Variants in ZRANB3 observed in about 807,000 individuals in gnomAD.
The protein encoded by ZRANB3 is DNA annealing helicase and endonuclease ZRANB3.
A neutral mutation model predicts 133.8 loss-of-function variants in ZRANB3; 125 were observed. The ratio of observed to expected loss-of-function variants is 0.93; its 90% CI spans 0.81 to 1.08. ZRANB3 has a LOEUF of 1.08. Ranked by LOEUF, ZRANB3 falls within the 50% of genes least tolerant of loss-of-function variation. The pLI is 0.00. For missense variants in ZRANB3, 1,229 were observed against 1,275.5 expected, an observed-to-expected ratio of 0.96 and a Z score of 0.56; for synonymous variants, 387 against 432.7, an observed-to-expected ratio of 0.89 and a Z score of 1.31.
chr2:135,310,223 C>T (rs1050169592), intron 8 of ZRANB3, among the ~76,000 whole-genome samples: 1 of 152,178 alleles, frequency 6.6e-6, no homozygotes, highest in Non-Finnish European at 1.5e-5. Flanking sequence ...AGGCATGAGC[C>T]ACCGTGCCTG....
chr2:135,213,527 G>A (rs977752657), intron 17 of ZRANB3, among the ~76,000 whole-genome samples: 4 of 152,150 alleles, frequency 2.6e-5, no homozygotes, highest in African/African-American at 9.7e-5. Flanking sequence ...ATTTCATGAT[G>A]CTGCTAAGTT....
intron 5 of ZRANB3, among the ~76,000 whole-genome samples, chr2:135,346,077 C>T (rs975177381): frequency 2.0e-5 from 3 of 152,064 alleles, no homozygotes; most frequent in African/African-American, 7.2e-5. Flanking sequence ...GACATATAGG[C>T]TATTTCTAGC....
At chr2:135,530,763 G>A (rs537087416) in intron 1 of ZRANB3, 1 of 152,272 alleles carries the variant, frequency 6.6e-6, no homozygotes, top group South Asian at 2.1e-4. Flanking sequence ...CTCGTTCTCC[G>A]CCCTAATTTC....
rs554122871 is a variant in ZRANB3, at chr2:135,339,335, CG to C, written c.677+6214del. 1.6e-3 allele frequency among the ~76,000 whole-genome samples: 236 copies of C among 152,026 alleles called. 4 individuals carry two copies. The South Asian group carries it at 0.048, about 31-fold the overall frequency. ...CTGAGGCAGGAGAATCGCTTGAACC[CG>C]GGAGGCAGAGGTTGCAGTGAGCGTG... On this transcript the variant is annotated intron_variant, in intron 6 of 20. Coordinates refer to ENST00000264159, the MANE Select transcript of ZRANB3 (RefSeq NM_032143.4).
intron 8 of ZRANB3, among the ~76,000 whole-genome samples, chr2:135,283,535 G>A (rs980344538): frequency 2.2e-4 from 33 of 151,330 alleles, no homozygotes; most frequent in Admixed American, 3.9e-4. Context: ...ACTTGAAGCC[G>A]GGAGGTAGAG....
chr2:135,235,186 G>A (rs1388226140), intron 12 of ZRANB3, among the ~76,000 whole-genome samples: 1 of 152,176 alleles, frequency 6.6e-6, no homozygotes, highest in Non-Finnish European at 1.5e-5. Flanking sequence ...AGAAAATCTA[G>A]AAGAAATGGA....
chr2:135,271,266 T>G, intron 10 of ZRANB3: 2 of 470,264 alleles, frequency 4.3e-6, no homozygotes, highest in South Asian at 3.1e-5. Flanking sequence ...TTTGTGTATT[T>G]AAGTCAGTCT....
In ZRANB3 at chr2:135,202,826, A is replaced by G; in HGVS notation, c.3141+6T>C. 2 of 1,604,878 alleles carry G rather than the reference A, an allele frequency of 1.2e-6. No individual in the cohort carries two copies. The highest frequency in any genetic ancestry group is 1.1e-5 in the South Asian group (1 of 89,012). ...GCAGTCAAAGCTATATGAGAGCTTCACTGACCTCTTTGTGACAGACTGTGC... is the reference window on the plus strand; with the variant it reads ...GCAGTCAAAGCTATATGAGAGCTTCGCTGACCTCTTTGTGACAGACTGTGC... On this transcript the variant is annotated splice_donor_region_variant and intron_variant, in intron 20 of 20. Transcript: ENST00000264159.
At chr2:135,263,977 G>A (rs913999941) in intron 12 of ZRANB3, among the ~76,000 whole-genome samples, 14 of 149,082 alleles carry the variant, frequency 9.4e-5, no homozygotes, top group South Asian at 4.2e-4. Flanking sequence ...TAGTAGAAAC[G>A]GGGTTTCACC....
chr2:135,415,573 T>TA (rs1271568389), intron 2 of ZRANB3, among the ~76,000 whole-genome samples: 2 of 151,930 alleles, frequency 1.3e-5, no homozygotes, highest in African/African-American at 4.8e-5. Flanking sequence ...TTCCAATCAA[T>TA]AAAAAAAGAG....
intron 5 of ZRANB3, among the ~76,000 whole-genome samples, chr2:135,346,156 G>A (rs1684911838): frequency 6.6e-6 from 1 of 152,170 alleles, no homozygotes; most frequent in Non-Finnish European, 1.5e-5. Flanking sequence ...GAGTGCAGTG[G>A]CGTGATCTTG....
rs10630129 is a variant in ZRANB3, at chr2:135,210,320, C to CATTTTATTTTATTTTATTTT, written c.2496-1362_2496-1343dup. 2.7e-3 allele frequency among the ~76,000 whole-genome samples: 405 copies of CATTTTATTTTATTTTATTTT among 151,674 alleles called. 3 individuals carry two copies. The highest frequency in any genetic ancestry group is 9.2e-3 in the African/African-American group (377 of 41,146). On this transcript the variant is annotated intron_variant, in intron 17 of 20. Transcript: ENST00000264159. The stretch of plus-strand genomic sequence containing the variant: ...ATCTTTGCAGAAATGCTGATTAATT[C>CATTTTATTTTATTTTATTTT]ATTTTATTTTATTTTATTTTATTTT...
chr2:135,491,707 G>T (rs909464192), intron 2 of ZRANB3, among the ~76,000 whole-genome samples: 5 of 151,766 alleles, frequency 3.3e-5, no homozygotes, highest in Non-Finnish European at 5.9e-5. Context: ...GGTAGAGATG[G>T]GGTTTCACTG....
intron 12 of ZRANB3, among the ~76,000 whole-genome samples, chr2:135,234,015 C>A (rs901453695): frequency 1.1e-4 from 17 of 152,260 alleles, no homozygotes; most frequent in Admixed American, 7.2e-4. Flanking sequence ...GATAAAGAGT[C>A]AAGACCCATC....
intron 8 of ZRANB3, among the ~76,000 whole-genome samples, chr2:135,300,793 A>T (rs180832144): frequency 1.3e-4 from 20 of 152,288 alleles, no homozygotes; most frequent in African/African-American, 4.8e-4. Context: ...ATCAGTGAGC[A>T]TCCTAAGTGG....
intron 6 of ZRANB3, among the ~76,000 whole-genome samples, chr2:135,331,683 T>C (rs892247313): frequency 3.3e-5 from 5 of 152,208 alleles, no homozygotes; most frequent in African/African-American, 4.8e-5. Flanking sequence ...TTTGGGAGTC[T>C]AGGTCTCTTT....
intron 1 of ZRANB3, among the ~76,000 whole-genome samples, chr2:135,520,003 A>G (rs998052866): frequency 6.6e-6 from 1 of 152,188 alleles, no homozygotes; most frequent in Non-Finnish European, 1.5e-5. Flanking sequence ...GCAAGCAGTA[A>G]GGAATTCTCT....
intron 8 of ZRANB3, among the ~76,000 whole-genome samples, chr2:135,278,250 G>T (rs1680933857): frequency 2.0e-5 from 3 of 152,054 alleles, no homozygotes; most frequent in Admixed American, 1.3e-4. Context: ...AGATTTCATA[G>T]AATCAAAATA....
intron 2 of ZRANB3, among the ~76,000 whole-genome samples, chr2:135,411,413 T>A (rs534729127): frequency 4.6e-5 from 7 of 152,182 alleles, no homozygotes; most frequent in African/African-American, 1.7e-4. Context: ...ACCCTACTAC[T>A]GGGTATTTAT....
Sources: allele counts gnomAD v4.1 joint callset (sites outside exome capture counted in the v4.1 genomes callset), GRCh38; gene constraint gnomAD v4.1.1; transcripts MANE v1.5; gene names NCBI Gene and HGNC (gene_info 2026-07-23, HGNC 2026-07-21).